Variants in HERC2 observed in about 807,000 individuals in gnomAD.
HERC2 encodes E3 ubiquitin-protein ligase HERC2.
Under a neutral mutation model 537.7 loss-of-function variants are expected in HERC2, and 102 were observed. The observed-to-expected ratio is 0.19, with a 90% CI of 0.16 to 0.22. HERC2 has a LOEUF of 0.22. HERC2 is among the 10% of genes least tolerant of loss of function. The pLI is 1.00. For synonymous variants in HERC2, 2,224 were observed against 2,466.2 expected, an observed-to-expected ratio of 0.90 and a Z score of 2.91; for missense variants, 4,236 against 6,198.2, an observed-to-expected ratio of 0.68 and a Z score of 10.63.
At chr15:28,196,782 T>A (rs980730020) in intron 50 of HERC2, among the ~76,000 whole-genome samples, 34 of 152,224 alleles carry the variant, frequency 2.2e-4, no homozygotes, top group Non-Finnish European at 4.0e-4. Context: ...GGAGCATGAA[T>A]AATTTTGGCC....
At chr15:28,124,334 A>G in intron 84 of HERC2, 100 bp from the exon 85 acceptor site, 1 of 743,528 alleles carries the variant, frequency 1.3e-6, no homozygotes, top group Non-Finnish European at 2.0e-6. Flanking sequence ...TTTCAAATAC[A>G]GAGAAGCACT....
chr15:28,150,425 G>A (rs1288441293), intron 70 of HERC2, among the ~76,000 whole-genome samples: 6 of 149,620 alleles, frequency 4.0e-5, no homozygotes, highest in Non-Finnish European at 8.9e-5. Context: ...TGGCTTAACC[G>A]AGAACATCAC....
intron 20 of HERC2, among the ~76,000 whole-genome samples, chr15:28,251,485 A>G (rs945544378): frequency 4.0e-5 from 6 of 150,904 alleles, no homozygotes; most frequent in African/African-American, 1.5e-4. Flanking sequence ...TAAAAAAAAA[A>G]AACAAAAAAA....
chr15:28,292,824 C>T (rs879025210), intron 4 of HERC2, 64 bp downstream of exon 4: 20 of 1,499,784 alleles, frequency 1.3e-5, no homozygotes, highest in South Asian at 4.9e-5. Context: ...AAGAATCCAT[C>T]CAAGTTATTT....
intron 52 of HERC2, among the ~76,000 whole-genome samples, chr15:28,194,166 C>G (rs996671769): frequency 6.6e-6 from 1 of 150,650 alleles, no homozygotes; most frequent in Admixed American, 6.6e-5. Flanking sequence ...CCTGGGTTCA[C>G]GCCATTCTCC....
At chr15:28,285,277 G>A (rs1056405167) in intron 4 of HERC2, among the ~76,000 whole-genome samples, 5 of 152,110 alleles carry the variant, frequency 3.3e-5, no homozygotes, top group Non-Finnish European at 5.9e-5. Context: ...CAAATACTAA[G>A]TTAGAACATA....
rs1385849096 is a variant in HERC2, at chr15:28,280,145, ATTCAAG to A, written c.459_464del (p.Leu154_Asn155del). On this transcript the variant is annotated inframe_deletion, in exon 5 of 93. Coordinates refer to ENST00000261609, the MANE Select transcript of HERC2 (RefSeq NM_004667.6). ...TGACATTCTCCTGAAAAACGGTTCT[ATTCAAG>A]GCAATGAAATAGCGCTCCAAGATCA... 1 of 1,614,064 alleles carries A rather than the reference ATTCAAG, an allele frequency of 6.2e-7. No individual in the cohort carries two copies.
At chr15:28,227,084 G>C (rs968184769) in intron 35 of HERC2, among the ~76,000 whole-genome samples, 1 of 152,152 alleles carries the variant, frequency 6.6e-6, no homozygotes, top group African/African-American at 2.4e-5. Context: ...AGACCAGCCT[G>C]GCCAACATGG....
intron 88 of HERC2, 72 bp from the exon 89 acceptor site, chr15:28,115,613 G>A (rs1888140915): frequency 7.9e-6 from 8 of 1,010,598 alleles, no homozygotes; most frequent in African/African-American, 3.2e-5. Context: ...ACTCACACAC[G>A]CCACTGACAG....
At chr15:28,141,916 A>G in intron 76 of HERC2, 70 bp from the exon 77 acceptor site, 1 of 1,182,794 alleles carries the variant, frequency 8.5e-7, no homozygotes, top group East Asian at 2.3e-5. Flanking sequence ...TACTAAGGAA[A>G]GACAGAAGGA....
rs964739849 is a variant in HERC2, at chr15:28,274,844, C to T, written c.643+61G>A. 1.2e-5 allele frequency: 16 copies of T among 1,340,608 alleles called. No individual in the cohort carries two copies. The Admixed American group carries it at 1.4e-4, about 11-fold the overall frequency. The allele number at this position is 1,340,608 out of a possible 1,614,324, so 83.0% of individuals were successfully genotyped here. On this transcript the variant is annotated intron_variant, in intron 6 of 92. Transcript: ENST00000261609. Reference sequence around the variant, plus strand: ...GGGCACATGGTGGCTGAACCGAGTTCGAAACCCAGTCTGTTGATGTATTAG... The same window carrying T: ...GGGCACATGGTGGCTGAACCGAGTTTGAAACCCAGTCTGTTGATGTATTAG...
At chr15:28,117,231 C>A in intron 86 of HERC2, 77 bp from the exon 87 acceptor site, 1 of 1,426,748 alleles carries the variant, frequency 7.0e-7, no homozygotes, top group Non-Finnish European at 9.9e-7. Context: ...GCGGCACTGG[C>A]GAATGCACGA....
Position 28,268,789 on chromosome 15 carries a change from G to C in HERC2, c.1447-173C>G, listed in dbSNP as rs565958558. Among the ~76,000 whole-genome samples the C allele has an allele frequency of 6.6e-6, 1 of 152,300 alleles. No homozygotes were observed. Among genetic ancestry groups the C allele is most frequent in the East Asian group, 1.9e-4 (1 of 5,168 alleles). ...CAGCCCTTCCCACCCAGCAGCAACA[G>C]AACAGCGGGCAGCCTCCAAGTGCTC... On this transcript the variant is annotated intron_variant, in intron 11 of 92. Coordinates refer to ENST00000261609, the MANE Select transcript of HERC2 (RefSeq NM_004667.6). The surrounding 1 kb of genome is among the most constrained non-coding windows in gnomAD (Gnocchi z 4.7).
At chr15:28,219,876 G>A (rs554130143) in intron 37 of HERC2, among the ~76,000 whole-genome samples, 100 of 152,044 alleles carry the variant, frequency 6.6e-4, no homozygotes, top group South Asian at 1.2e-3. Context: ...ACCTCCTCCC[G>A]CAACCTGGAT....
intron 48 of HERC2, among the ~76,000 whole-genome samples, chr15:28,199,475 C>A (rs1055991913): frequency 6.6e-6 from 1 of 152,208 alleles, no homozygotes; most frequent in Non-Finnish European, 1.5e-5. Context: ...ATTCTGAAAA[C>A]TGATAAAGTC....
chr15:28,228,984 T>A (rs1426034733), intron 34 of HERC2, among the ~76,000 whole-genome samples: 5 of 152,206 alleles, frequency 3.3e-5, no homozygotes, highest in Non-Finnish European at 7.3e-5. Context: ...TGTAAAAATG[T>A]TATACTAGAG....
At position 28,142,299 on chromosome 15, in the gene HERC2, G is replaced by A. The variant is rs564251604; in HGVS notation, c.11639C>T (p.Ala3880Val). ...KWAWFRRYCM[A>V]SRVAVALDKR... Reference sequence around the variant, plus strand: ...GTCAAGGGCCACAGCAACACGGGAGGCCATGCAGTACCTCCGGAACCAGGC... The same window carrying A: ...GTCAAGGGCCACAGCAACACGGGAGACCATGCAGTACCTCCGGAACCAGGC... Residue 3880 changes from alanine (A) to valine (V), a missense_variant, in exon 76 of 93, where the codon GCC becomes GTC. Coordinates refer to ENST00000261609, the MANE Select transcript of HERC2 (RefSeq NM_004667.6). 1 of 1,614,194 alleles carries A rather than the reference G, an allele frequency of 6.2e-7. No homozygotes were observed. The highest frequency in any genetic ancestry group is 1.7e-5 in the Admixed American group (1 of 60,026).
chr15:28,226,271 A>G (rs573503040), intron 35 of HERC2, among the ~76,000 whole-genome samples: 17 of 152,312 alleles, frequency 1.1e-4, no homozygotes, highest in African/African-American at 4.1e-4. Context: ...GCAGATATGG[A>G]AAAGCCAGCC....
At chr15:28,272,711 A>C (rs1241329100) in intron 8 of HERC2, among the ~76,000 whole-genome samples, 183 bp downstream of exon 8, 1 of 152,226 alleles carries the variant, frequency 6.6e-6, no homozygotes, top group African/African-American at 2.4e-5. Flanking sequence ...CCCAGGCTAG[A>C]ACACTGAGCA....
Sources: gnomAD v4.1 joint callset for allele counts (sites outside exome capture counted in the v4.1 genomes callset) on GRCh38, gnomAD v4.1.1 for gene constraint, Gnocchi (gnomAD v3.1) non-coding constraint, MANE v1.5 for transcripts, NCBI Gene and HGNC (gene_info 2026-07-23, HGNC 2026-07-21) for gene names.